Variants in PDE4D observed in about 807,000 individuals in gnomAD.
PDE4D encodes 3',5'-cyclic-AMP phosphodiesterase 4D.
In PDE4D, 24 loss-of-function variants were observed where a neutral mutation model predicts 87.4. The ratio of observed to expected loss-of-function variants is 0.27; its 90% CI spans 0.20 to 0.39. The LOEUF (loss-of-function observed/expected upper bound fraction) is 0.39, where lower values mean the gene tolerates loss of function less well. PDE4D is among the 10% of genes least tolerant of loss of function. The pLI, the probability that PDE4D is intolerant of heterozygous loss-of-function variation, is 1.00. For synonymous variants in PDE4D, 384 were observed against 383.2 expected, an observed-to-expected ratio of 1.00 and a Z score of -0.02; for missense variants, 714 against 1,041.0, an observed-to-expected ratio of 0.69 and a Z score of 4.32.
At chr5:59,945,167 G>A (rs1160819505) in intron 3 of PDE4D, among the ~76,000 whole-genome samples, 3 of 152,214 alleles carry the variant, frequency 2.0e-5, no homozygotes, top group South Asian at 2.1e-4. Context: ...TAATTTTTCC[G>A]TGCTTCAGTG....
intron 2 of PDE4D, among the ~76,000 whole-genome samples, chr5:60,034,869 G>T (rs1228049112): frequency 6.6e-6 from 1 of 152,142 alleles, no homozygotes; most frequent in African/African-American, 2.4e-5. Context: ...ATCAGCATGG[G>T]TCAGACACAG....
At chr5:60,478,114 G>T (rs1157638383) in intron 1 of PDE4D, among the ~76,000 whole-genome samples, 2 of 152,148 alleles carry the variant, frequency 1.3e-5, no homozygotes, top group African/African-American at 4.8e-5. Context: ...GGTTGAAGGA[G>T]TCCCTTAAAT....
At chr5:60,519,845 T>C (rs1750957840) in intron 1 of PDE4D, among the ~76,000 whole-genome samples, 2 of 152,212 alleles carry the variant, frequency 1.3e-5, no homozygotes, top group African/African-American at 4.8e-5. Context: ...TGGGAAATAA[T>C]TAATTACTAT....
chr5:60,313,555 T>C (rs1216381249), intron 1 of PDE4D, among the ~76,000 whole-genome samples: 1 of 152,086 alleles, frequency 6.6e-6, no homozygotes, highest in East Asian at 1.9e-4. Flanking sequence ...AAAAACTGAC[T>C]AGGAGGGACT....
chr5:60,044,511 C>A (rs1768955271), intron 2 of PDE4D, among the ~76,000 whole-genome samples: 1 of 152,068 alleles, frequency 6.6e-6, no homozygotes, highest in Non-Finnish European at 1.5e-5. Flanking sequence ...CTATCCCTCC[C>A]CCCTACCCCC....
At chr5:60,409,366 A>AT (rs2150063206) in intron 1 of PDE4D, among the ~76,000 whole-genome samples, 1 of 152,120 alleles carries the variant, frequency 6.6e-6, no homozygotes, top group African/African-American at 2.4e-5. Flanking sequence ...GGCCAGAGAG[A>AT]TGGGGAGGGG....
Position 59,377,929 on chromosome 5 carries a change from G to T in PDE4D, c.456-161961C>A, listed in dbSNP as rs1011587101. The stretch of plus-strand genomic sequence containing the variant: ...TTTGACCCAGCAATCCCATTACTGG[G>T]TGTATACCCAAAGGAATAGAAATTA... On this transcript the variant is annotated intron_variant, in intron 1 of 14. Transcript: ENST00000340635. 4.6e-5 allele frequency among the ~76,000 whole-genome samples: 7 copies of T among 152,276 alleles called. No homozygotes were observed. The East Asian group carries it at 9.7e-4, about 21-fold the overall frequency.
At chr5:60,078,739 G>A (rs1382251295) in intron 2 of PDE4D, among the ~76,000 whole-genome samples, 2 of 152,204 alleles carry the variant, frequency 1.3e-5, no homozygotes, top group Non-Finnish European at 2.9e-5. Flanking sequence ...TGGCTGCATA[G>A]TATTCTATGG....
intron 1 of PDE4D, among the ~76,000 whole-genome samples, chr5:59,842,665 T>C (rs1743195909): frequency 1.3e-5 from 2 of 152,096 alleles, no homozygotes; most frequent in African/African-American, 4.8e-5. Context: ...ATTTGTCTCA[T>C]TATCTTATAG....
chr5:60,182,057 A>T (rs1784417579), intron 2 of PDE4D, among the ~76,000 whole-genome samples: 1 of 152,198 alleles, frequency 6.6e-6, no homozygotes, highest in Admixed American at 6.5e-5. Context: ...TAAACATCTG[A>T]AAAGTTAAAT....
At chr5:60,125,367 G>T (rs1331507051) in intron 2 of PDE4D, among the ~76,000 whole-genome samples, 1 of 152,014 alleles carries the variant, frequency 6.6e-6, no homozygotes, top group Non-Finnish European at 1.5e-5. Flanking sequence ...AATATATCCA[G>T]ATCTTATCTT....
intron 1 of PDE4D, among the ~76,000 whole-genome samples, chr5:59,669,144 G>A (rs756982085): frequency 1.1e-4 from 17 of 152,230 alleles, no homozygotes; most frequent in Non-Finnish European, 2.2e-4. Flanking sequence ...TGCTCAGGCT[G>A]GAGTGCAATG....
intron 1 of PDE4D, among the ~76,000 whole-genome samples, chr5:60,318,627 T>G (rs891679699): frequency 4.6e-5 from 7 of 152,166 alleles, no homozygotes; most frequent in African/African-American, 1.7e-4. Flanking sequence ...TGGTACTGGT[T>G]TTTCCTTTCC....
At chr5:60,393,544 T>C (rs2150031317) in intron 1 of PDE4D, among the ~76,000 whole-genome samples, 1 of 152,308 alleles carries the variant, frequency 6.6e-6, no homozygotes, top group Middle Eastern at 3.4e-3. Context: ...AGGAATAAGA[T>C]ATGTTTGTAT....
intron 1 of PDE4D, among the ~76,000 whole-genome samples, chr5:59,634,981 C>T (rs1014306447): frequency 6.6e-6 from 1 of 151,676 alleles, no homozygotes; most frequent in African/African-American, 2.4e-5. Context: ...CAAAACAGAC[C>T]ACTAGCCAGA....
At chr5:60,425,869 C>T (rs1479968530) in intron 1 of PDE4D, among the ~76,000 whole-genome samples, 10 of 152,200 alleles carry the variant, frequency 6.6e-5, no homozygotes, top group South Asian at 2.1e-4. Context: ...AAAAAGTGGG[C>T]GAAGGATATG....
intron 2 of PDE4D, among the ~76,000 whole-genome samples, chr5:60,147,040 C>T (rs935564876): frequency 2.6e-5 from 4 of 152,118 alleles, no homozygotes; most frequent in African/African-American, 9.7e-5. Context: ...AATACAAGCA[C>T]CATTCAAATG....
intron 1 of PDE4D, among the ~76,000 whole-genome samples, chr5:59,785,322 T>C (rs1332092035): frequency 6.6e-6 from 1 of 152,232 alleles, no homozygotes; most frequent in East Asian, 1.9e-4. Context: ...AAGAAATGTT[T>C]TTCCTAGTAA....
Position 58,970,144 on chromosome 5 carries a change from T to C in PDE4D, c.*4520A>G, listed in dbSNP as rs1282963630. On this transcript the variant is annotated 3_prime_UTR_variant, in exon 15 of 15. Coordinates refer to ENST00000340635, the MANE Select transcript of PDE4D (RefSeq NM_001104631.2). ...ATATGAAGGTATTGATGTACAGTAC[T>C]ATCCCCGTGGGCTGTAAGAGAGGCT... is the stretch of plus-strand genomic sequence containing the variant. The C allele has an allele frequency of 2.0e-5, 3 of 152,316 alleles. No individual in the cohort carries two copies. The highest frequency in any genetic ancestry group is 2.1e-4 in the South Asian group (1 of 4,826). The allele number at this position is 152,316 out of a possible 1,614,324, so 9.4% of individuals were successfully genotyped here. A position where few individuals can be genotyped will look rare whatever the true frequency, so the allele number is the denominator to read the frequency against.
Sources: gnomAD v4.1 joint callset for allele counts (sites outside exome capture counted in the v4.1 genomes callset) on GRCh38, gnomAD v4.1.1 for gene constraint, MANE v1.5 for transcripts, NCBI Gene and HGNC (gene_info 2026-07-23, HGNC 2026-07-21) for gene names.